MCMBP: variants seen among roughly 807,000 people sequenced by gnomAD.
The protein encoded by MCMBP is mini-chromosome maintenance complex-binding protein.
MCMBP carries 31 observed loss-of-function variants against 81.3 expected under a neutral mutation model. The ratio of observed to expected loss-of-function variants is 0.38; its 90% confidence interval spans 0.29 to 0.51. The LOEUF is 0.51. Ranked by LOEUF, MCMBP falls within the 20% of genes least tolerant of loss-of-function variation. The pLI is 0.87. For missense variants in MCMBP, 645 were observed against 772.1 expected, an observed-to-expected ratio of 0.84 and a Z score of 1.95; for synonymous variants, 267 against 275.9, an observed-to-expected ratio of 0.97 and a Z score of 0.32.
intron 7 of MCMBP, among the ~76,000 whole-genome samples, chr10:119,848,635 C>T (rs1036158166): frequency 2.6e-5 from 4 of 151,824 alleles, no homozygotes; most frequent in African/African-American, 9.7e-5. Context: ...AAAAACCCCC[C>T]AAAAACAAAA....
chr10:119,846,019 C>T (rs1194251018), intron 8 of MCMBP, among the ~76,000 whole-genome samples: 1 of 152,036 alleles, frequency 6.6e-6, no homozygotes, highest in Non-Finnish European at 1.5e-5. Flanking sequence ...AATGTGGGTG[C>T]GTATATATGT....
At chr10:119,844,654 C>T (rs977339197) in intron 8 of MCMBP, among the ~76,000 whole-genome samples, 37 of 152,132 alleles carry the variant, frequency 2.4e-4, no homozygotes, top group African/African-American at 8.4e-4. Context: ...GAGGGTGTTG[C>T]CAAAGGAGAT....
At chr10:119,838,873 C>A (rs988963466) in intron 11 of MCMBP, among the ~76,000 whole-genome samples, 173 bp from the exon 12 acceptor site, 1 of 152,174 alleles carries the variant, frequency 6.6e-6, no homozygotes, top group African/African-American at 2.4e-5. Flanking sequence ...CTAGATCTTA[C>A]ATTTGAATTT....
chr10:119,858,030 TA>T (rs1853114351), intron 4 of MCMBP: 1 of 152,316 alleles, frequency 6.6e-6, no homozygotes, highest in African/African-American at 2.4e-5. Flanking sequence ...GTTTTTCTTT[TA>T]GAGTGTTTCC....
chr10:119,838,086 A>C (rs923427659), intron 12 of MCMBP, among the ~76,000 whole-genome samples: 1 of 151,918 alleles, frequency 6.6e-6, no homozygotes. Context: ...AGGCCCATAA[A>C]GACTGCTCCA....
At chr10:119,837,437 T>G (rs150858228) in intron 12 of MCMBP, among the ~76,000 whole-genome samples, 6 of 152,326 alleles carry the variant, frequency 3.9e-5, no homozygotes, top group Admixed American at 2.6e-4. Flanking sequence ...TCATTTTTTC[T>G]TCTACCTTTA....
intron 12 of MCMBP, 126 bp downstream of exon 12, chr10:119,838,409 T>G: frequency 1.2e-6 from 1 of 857,204 alleles, no homozygotes; most frequent in South Asian, 2.1e-5. Flanking sequence ...CAAATTCATA[T>G]GCCAAGCCTT....
chr10:119,860,496 C>A (rs1018963957), intron 1 of MCMBP, among the ~76,000 whole-genome samples: 17 of 152,084 alleles, frequency 1.1e-4, no homozygotes, highest in African/African-American at 4.1e-4. Context: ...CTGTTATCAA[C>A]CTCAGGAAAT....
At chr10:119,836,757 G>GTTTTTTTTTTTTTTTTTTT (rs199759464) in intron 13 of MCMBP, 139 bp downstream of exon 13, 1 of 288,162 alleles carries the variant, frequency 3.5e-6, no homozygotes, top group Non-Finnish European at 6.2e-6. Flanking sequence ...AGCAGTCACA[G>GTTTTTTTTTTTTTTTTTTT]TTTTTTTTTT....
chr10:119,866,763 G>A (rs2134407551), intron 1 of MCMBP, among the ~76,000 whole-genome samples: 1 of 152,034 alleles, frequency 6.6e-6, no homozygotes, highest in African/African-American at 2.4e-5. Flanking sequence ...AATTTTTTTG[G>A]ACCAGCCTGA....
intron 2 of MCMBP, 61 bp downstream of exon 2, chr10:119,859,738 C>T (rs1484638682): frequency 3.7e-6 from 4 of 1,089,410 alleles, no homozygotes; most frequent in African/African-American, 1.6e-5. Context: ...CTTAGTTACT[C>T]TACTAAGAGA....
rs935063171 is a variant in MCMBP, at chr10:119,842,965, C to T, written c.1000+289G>A. The T allele has an allele frequency of 1.0e-5, 4 of 392,484 alleles. No individual in the cohort carries two copies. The Admixed American group carries it at 1.1e-4, about 11-fold the overall frequency. The allele number at this position is 392,484 out of a possible 1,614,324, so 24.3% of individuals were successfully genotyped here. On this transcript the variant is annotated intron_variant, in intron 9 of 15. Coordinates refer to ENST00000369077, the MANE Select transcript of MCMBP (RefSeq NM_001256378.2). ...CCAGGGTTTCACTATATTGGCCAGG[C>T]TAGTCTCGAACTCCTGACCTCAGGT... is the stretch of plus-strand genomic sequence containing the variant.
chr10:119,866,517 T>C (rs1409808165), intron 1 of MCMBP, among the ~76,000 whole-genome samples: 2 of 152,134 alleles, frequency 1.3e-5, no homozygotes, highest in African/African-American at 4.8e-5. Flanking sequence ...TCCCAGCTAC[T>C]TGGGAGGCTG....
At position 119,830,722 on chromosome 10, in the gene MCMBP, G is replaced by GAGAT. The variant is rs1214468925; in HGVS notation, c.*748_*751dup. The GAGAT allele has an allele frequency of 1.3e-4, 19 of 151,364 alleles. No individual in the cohort carries two copies. Among genetic ancestry groups the GAGAT allele is most frequent in the African/African-American group, 3.7e-4 (15 of 41,018 alleles). The allele number at this position is 151,364 out of a possible 1,614,324, so 9.4% of individuals were successfully genotyped here. A position where few individuals can be genotyped will look rare whatever the true frequency, so the allele number is the denominator to read the frequency against. Reference sequence around the variant, plus strand: ...CCGTTTAAAGGACTCCTCTTATTCAGAGATAGATTGTCCTTTCCTTTTATG... The same window carrying GAGAT: ...CCGTTTAAAGGACTCCTCTTATTCAGAGATAGATAGATTGTCCTTTCCTTTTATG... On this transcript the variant is annotated 3_prime_UTR_variant, in exon 16 of 16. Transcript: ENST00000369077.
At chr10:119,854,601 A>G (rs1026072012) in intron 5 of MCMBP, among the ~76,000 whole-genome samples, 2 of 151,762 alleles carry the variant, frequency 1.3e-5, no homozygotes, top group Non-Finnish European at 2.9e-5. Context: ...GTGGAATAAA[A>G]GACATTTTCA....
Position 119,838,276 on chromosome 10 carries a change from A to G in MCMBP, c.1408+259T>C. The stretch of plus-strand genomic sequence containing the variant: ...TATTAAATGAGACATTATATATTAT[A>G]TATGATATATATTATATAAGATATA... On this transcript the variant is annotated intron_variant, in intron 12 of 15. Transcript: ENST00000369077. Among the ~76,000 whole-genome samples, 2 of 148,214 alleles carry G rather than the reference A, an allele frequency of 1.3e-5. 1 individual carries two copies. The highest frequency in any genetic ancestry group is 3.0e-5 in the Non-Finnish European group (2 of 67,308).
At chr10:119,850,943 G>C (rs1331185287) in intron 6 of MCMBP, among the ~76,000 whole-genome samples, 1 of 147,542 alleles carries the variant, frequency 6.8e-6, no homozygotes, top group Non-Finnish European at 1.5e-5. Flanking sequence ...GGCGATCAGC[G>C]CTCACTGCAA....
At chr10:119,855,654 G>C (rs983173066) in intron 5 of MCMBP, among the ~76,000 whole-genome samples, 3 of 151,676 alleles carry the variant, frequency 2.0e-5, no homozygotes, top group African/African-American at 7.3e-5. Context: ...TTGGGTGACA[G>C]AGCCAGCAAG....
intron 1 of MCMBP, among the ~76,000 whole-genome samples, chr10:119,863,540 C>A (rs1853335814): frequency 6.6e-6 from 1 of 151,652 alleles, no homozygotes; most frequent in Admixed American, 6.6e-5. Flanking sequence ...ACCAGCCTGG[C>A]CAACATGGCA....
Sources: allele counts gnomAD v4.1 joint callset (sites outside exome capture counted in the v4.1 genomes callset), GRCh38; gene constraint gnomAD v4.1.1; transcripts MANE v1.5; gene names NCBI Gene and HGNC (gene_info 2026-07-23, HGNC 2026-07-21).